Variants in DPP10 observed in about 807,000 individuals in gnomAD.
DPP10 encodes inactive dipeptidyl peptidase 10.
In DPP10, 33 loss-of-function variants were observed where a neutral mutation model predicts 120.9. That is an observed-to-expected ratio of 0.27 (90% CI 0.21 to 0.37). The LOEUF is 0.37. Among genes scored for constraint, DPP10 ranks in the 10% least tolerant of loss-of-function variants. The pLI, the probability that DPP10 is intolerant of heterozygous loss-of-function variation, is 1.00. For synonymous variants in DPP10, 337 were observed against 326.1 expected, an observed-to-expected ratio of 1.03 and a Z score of -0.36; for missense variants, 816 against 942.8, an observed-to-expected ratio of 0.87 and a Z score of 1.76.
At chr2:114,901,197 T>G (rs1693536549) in intron 1 of DPP10, among the ~76,000 whole-genome samples, 1 of 152,070 alleles carries the variant, frequency 6.6e-6, no homozygotes, top group Admixed American at 6.6e-5. Flanking sequence ...TTTTGTTTGT[T>G]TGTTTGTTTT....
At chr2:115,477,908 G>A (rs1243731693) in intron 3 of DPP10, among the ~76,000 whole-genome samples, 1 of 152,128 alleles carries the variant, frequency 6.6e-6, no homozygotes, top group African/African-American at 2.4e-5. Flanking sequence ...TTGGCTTCTG[G>A]TGAGGCCTCA....
At chr2:114,458,499 T>A (rs2104558232) in intron 1 of DPP10, among the ~76,000 whole-genome samples, 1 of 152,290 alleles carries the variant, frequency 6.6e-6, no homozygotes, top group Middle Eastern at 3.4e-3. Context: ...CATATGTATA[T>A]TTTGTCAGCC....
chr2:114,465,972 C>G (rs1372450248), intron 1 of DPP10, among the ~76,000 whole-genome samples: 2 of 152,160 alleles, frequency 1.3e-5, no homozygotes, highest in African/African-American at 2.4e-5. Context: ...GTGTTGTTAA[C>G]CAACCTTTGG....
intron 5 of DPP10, among the ~76,000 whole-genome samples, chr2:115,672,732 TTC>T (rs150320127): frequency 6.9e-6 from 1 of 144,838 alleles, no homozygotes; most frequent in African/African-American, 2.5e-5. Context: ...CTTTCTCTCT[TTC>T]TCTCTCTCTC....
chr2:114,589,047 G>A (rs944648919), intron 1 of DPP10, among the ~76,000 whole-genome samples: 18 of 144,964 alleles, frequency 1.2e-4, no homozygotes, highest in African/African-American at 4.6e-4. Flanking sequence ...TGGGGGGGGG[G>A]GTAGGGGACG....
At chr2:114,467,446 C>G (rs1015027510) in intron 1 of DPP10, among the ~76,000 whole-genome samples, 1 of 152,098 alleles carries the variant, frequency 6.6e-6, no homozygotes, top group African/African-American at 2.4e-5. Flanking sequence ...ATGTTGACAA[C>G]AAATTCAAAG....
At chr2:115,635,203 C>T (rs2086226317) in intron 5 of DPP10, among the ~76,000 whole-genome samples, 1 of 150,192 alleles carries the variant, frequency 6.7e-6, no homozygotes, top group African/African-American at 2.5e-5. Flanking sequence ...TCTTAGGCAG[C>T]ATGCAGCCAC....
chr2:115,120,882 T>A (rs1559118590), intron 1 of DPP10, among the ~76,000 whole-genome samples: 4 of 152,240 alleles, frequency 2.6e-5, no homozygotes, highest in Non-Finnish European at 4.4e-5. Flanking sequence ...AAAATCTCTT[T>A]ACCTTTATAA....
intron 5 of DPP10, among the ~76,000 whole-genome samples, chr2:115,618,606 A>G (rs1007970268): frequency 3.3e-5 from 5 of 152,210 alleles, no homozygotes; most frequent in African/African-American, 1.2e-4. Flanking sequence ...TTCTAAATCC[A>G]GTATTCACTA....
chr2:115,290,224 G>C (rs1366469572), intron 1 of DPP10, among the ~76,000 whole-genome samples: 1 of 152,070 alleles, frequency 6.6e-6, no homozygotes, highest in African/African-American at 2.4e-5. Flanking sequence ...TATAACAAAA[G>C]AGTGAAATCT....
At chr2:115,827,412 G>GTATATA (rs1164585822) in intron 21 of DPP10, among the ~76,000 whole-genome samples, 3,775 of 81,522 alleles carry the variant, frequency 0.046, 114 homozygotes, top group Non-Finnish European at 0.062. Flanking sequence ...GTATGTGTGT[G>GTATATA]TGTATATATA....
At chr2:114,734,728 T>C (rs529657831) in intron 1 of DPP10, among the ~76,000 whole-genome samples, 1 of 152,300 alleles carries the variant, frequency 6.6e-6, no homozygotes, top group Admixed American at 6.5e-5. Flanking sequence ...TCTGAAATGG[T>C]CTCTTAAAAT....
At chr2:115,595,900 A>G (rs1250887765) in intron 5 of DPP10, among the ~76,000 whole-genome samples, 2 of 152,088 alleles carry the variant, frequency 1.3e-5, no homozygotes, top group Non-Finnish European at 2.9e-5. Flanking sequence ...CTTTGTATAT[A>G]GAATTGTTTC....
chr2:115,760,125 T>C (rs1215162068), intron 11 of DPP10, among the ~76,000 whole-genome samples: 5 of 152,216 alleles, frequency 3.3e-5, no homozygotes, highest in Admixed American at 2.6e-4. Context: ...AGAAATAGTC[T>C]GTAGAGAAGC....
chr2:115,609,248 C>A (rs2083923257), intron 5 of DPP10, among the ~76,000 whole-genome samples: 1 of 152,010 alleles, frequency 6.6e-6, no homozygotes, highest in Non-Finnish European at 1.5e-5. Context: ...CCATATCTGG[C>A]CAGCAGAGCT....
intron 7 of DPP10, among the ~76,000 whole-genome samples, chr2:115,698,947 G>C (rs2091737711): frequency 7.5e-6 from 1 of 133,290 alleles, no homozygotes; most frequent in African/African-American, 2.8e-5. Flanking sequence ...ATTAAAAACA[G>C]AGAAAATCAC....
rs994698541 is a variant in DPP10, at chr2:115,467,358, G to A, written c.272-32152G>A. On this transcript the variant is annotated intron_variant, in intron 3 of 25. Coordinates refer to ENST00000410059, the MANE Select transcript of DPP10 (RefSeq NM_020868.6). Reference sequence around the variant, plus strand: ...GGACAGATCATGAGGTCAGGAGTTCGAGACCAGCCTGGTCAAGAGACCAGC... The same window carrying A: ...GGACAGATCATGAGGTCAGGAGTTCAAGACCAGCCTGGTCAAGAGACCAGC... 2.6e-5 allele frequency among the ~76,000 whole-genome samples: 4 copies of A among 151,802 alleles called. 1 individual carries two copies. Among genetic ancestry groups the A allele is most frequent in the African/African-American group, 4.8e-5 (2 of 41,336 alleles).
intron 1 of DPP10, among the ~76,000 whole-genome samples, chr2:115,102,656 G>C (rs942949384): frequency 6.6e-6 from 1 of 151,768 alleles, no homozygotes; most frequent in South Asian, 2.1e-4. Flanking sequence ...TGATCCACCC[G>C]CCTCGGCCTC....
chr2:115,672,666 T>TTCTCTCTCTC (rs1178410248), intron 5 of DPP10, among the ~76,000 whole-genome samples: 54 of 130,044 alleles, frequency 4.2e-4, no homozygotes, highest in African/African-American at 1.7e-3. Context: ...CTTTCTTTCT[T>TTCTCTCTCTC]TCTCTCTTTC....
Sources: gnomAD v4.1 joint callset for allele counts (sites outside exome capture counted in the v4.1 genomes callset) on GRCh38, gnomAD v4.1.1 for gene constraint, MANE v1.5 for transcripts, NCBI Gene and HGNC (gene_info 2026-07-23, HGNC 2026-07-21) for gene names.